GLI3: variants seen among roughly 807,000 people sequenced by gnomAD.
GLI3 encodes the protein transcription activator GLI3.
A neutral mutation model predicts 100.8 loss-of-function variants in GLI3; 20 were observed. The observed-to-expected ratio is 0.20, with a 90% confidence interval of 0.14 to 0.29. The LOEUF (loss-of-function observed/expected upper bound fraction) is 0.29, where lower values mean the gene tolerates loss of function less well. Ranked by LOEUF, GLI3 falls within the 10% of genes least tolerant of loss-of-function variation. The pLI, the probability that GLI3 is intolerant of heterozygous loss-of-function variation, is 1.00. For synonymous variants in GLI3, 938 were observed against 860.5 expected, an observed-to-expected ratio of 1.09 and a Z score of -1.58; for missense variants, 2,040 against 2,128.5, an observed-to-expected ratio of 0.96 and a Z score of 0.82.
chr7:42,026,836 T>C (rs1352182196), intron 7 of GLI3, among the ~76,000 whole-genome samples: 1 of 152,222 alleles, frequency 6.6e-6, no homozygotes, highest in Non-Finnish European at 1.5e-5. Context: ...CCAGATCTTA[T>C]TACAAGAGGA....
intron 3 of GLI3, among the ~76,000 whole-genome samples, chr7:42,134,992 T>C (rs1786391752): frequency 6.6e-6 from 1 of 152,172 alleles, no homozygotes; most frequent in African/African-American, 2.4e-5. Flanking sequence ...GAGAATTTCA[T>C]AGTGTATTTA....
intron 1 of GLI3, among the ~76,000 whole-genome samples, chr7:42,256,080 T>G (rs1789081875): frequency 1.3e-5 from 2 of 152,326 alleles, no homozygotes; most frequent in Middle Eastern, 3.4e-3. Context: ...TCTTTTTATG[T>G]GTTCATTAGC....
chr7:42,044,689 C>T (rs1011053213), intron 6 of GLI3, among the ~76,000 whole-genome samples: 11 of 152,178 alleles, frequency 7.2e-5, no homozygotes, highest in Non-Finnish European at 1.5e-4. Context: ...TAGTGGAATA[C>T]AATTTTTTTA....
intron 4 of GLI3, among the ~76,000 whole-genome samples, chr7:42,065,313 A>G (rs1784652421): frequency 6.6e-6 from 1 of 151,500 alleles, no homozygotes; most frequent in Non-Finnish European, 1.5e-5. Flanking sequence ...GCTACAATGC[A>G]CCCCACCTGC....
intron 12 of GLI3, among the ~76,000 whole-genome samples, chr7:41,973,489 G>A (rs1471313771): frequency 2.0e-5 from 3 of 152,070 alleles, no homozygotes; most frequent in African/African-American, 2.4e-5. Context: ...TTATATAAGC[G>A]GATTATTTTC....
intron 2 of GLI3, chr7:42,151,183 C>CT (rs377057777): frequency 1.3e-4 from 20 of 152,068 alleles, no homozygotes; most frequent in African/African-American, 4.8e-4. Context: ...CCAACCACAC[C>CT]TCCCCGCTCC....
chr7:42,212,517 T>C (rs1324289348), intron 2 of GLI3, among the ~76,000 whole-genome samples: 1 of 152,212 alleles, frequency 6.6e-6, no homozygotes, highest in African/African-American at 2.4e-5. Context: ...AGGTTGCTTA[T>C]AAAATGTAAC....
At chr7:42,170,162 G>T (rs970782755) in intron 2 of GLI3, among the ~76,000 whole-genome samples, 1 of 149,556 alleles carries the variant, frequency 6.7e-6, no homozygotes, top group African/African-American at 2.5e-5. Context: ...TGAGGCACGA[G>T]AATCAGTTGA....
intron 1 of GLI3, among the ~76,000 whole-genome samples, chr7:42,225,281 C>T (rs910724947): frequency 4.6e-5 from 7 of 152,280 alleles, no homozygotes; most frequent in South Asian, 4.1e-4. Context: ...AGGATGGCAC[C>T]CGGAACCTCA....
At chr7:42,231,116 T>A (rs1788688283) in intron 1 of GLI3, among the ~76,000 whole-genome samples, 1 of 152,232 alleles carries the variant, frequency 6.6e-6, no homozygotes, top group Non-Finnish European at 1.5e-5. Context: ...TGTGTGTCTT[T>A]ACAGTAAGGC....
intron 10 of GLI3, among the ~76,000 whole-genome samples, chr7:41,993,632 G>A (rs886949185): frequency 6.6e-6 from 1 of 152,194 alleles, no homozygotes; most frequent in Non-Finnish European, 1.5e-5. Flanking sequence ...CAAGTGCCTG[G>A]AACAATGCCC....
intron 10 of GLI3, among the ~76,000 whole-genome samples, chr7:42,000,625 A>C (rs1240669181): frequency 6.5e-5 from 6 of 92,652 alleles, no homozygotes; most frequent in Non-Finnish European, 1.2e-4. Context: ...TCTGTCCCCA[A>C]ATAAAAAAAG....
chr7:42,074,648 G>C lies in GLI3; in HGVS notation c.473+2104C>G, dbSNP rs575573468. Reference sequence around the variant, plus strand: ...GGGCGTGACATGCCCCAGCTTGCTGGGGCCCACTTCATAAGCATAGCGTCC... The same window carrying C: ...GGGCGTGACATGCCCCAGCTTGCTGCGGCCCACTTCATAAGCATAGCGTCC... On this transcript the variant is annotated intron_variant, in intron 4 of 14. Transcript: ENST00000395925. Among the ~76,000 whole-genome samples, 3 of 152,110 alleles carry C rather than the reference G, an allele frequency of 2.0e-5. No individual in the cohort carries two copies. The East Asian group carries it at 5.8e-4, about 30-fold the overall frequency.
chr7:42,243,651 G>C (rs1350913693), intron 1 of GLI3, among the ~76,000 whole-genome samples: 1 of 152,140 alleles, frequency 6.6e-6, no homozygotes, highest in Non-Finnish European at 1.5e-5. Flanking sequence ...CTACTATCCG[G>C]ATTAGTAGAT....
Position 41,978,592 on chromosome 7 carries a change from T to C in GLI3, c.1647+7A>G. 1 of 1,613,934 alleles carries C rather than the reference T, an allele frequency of 6.2e-7. No homozygotes were observed. On this transcript the variant is annotated splice_region_variant and intron_variant, in intron 11 of 14. Transcript: ENST00000395925. ...CAAGTGTGCCTGCCACCCACTTCTG[T>C]ACTCACAGTGCATTTGTGAGGCTTC... is the stretch of plus-strand genomic sequence containing the variant.
At chr7:42,001,527 C>T (rs1788296957) in intron 10 of GLI3, among the ~76,000 whole-genome samples, 1 of 152,082 alleles carries the variant, frequency 6.6e-6, no homozygotes, top group Non-Finnish European at 1.5e-5. Flanking sequence ...AACTAGTGTG[C>T]TGCAATCCAT....
At chr7:42,074,790 C>T (rs761880344) in intron 4 of GLI3, among the ~76,000 whole-genome samples, 5 of 152,328 alleles carry the variant, frequency 3.3e-5, no homozygotes, top group Non-Finnish European at 7.4e-5. Flanking sequence ...TCTTCCAGGA[C>T]TTGTCTTTTG....
At chr7:42,181,555 T>C (rs1356920099) in intron 2 of GLI3, among the ~76,000 whole-genome samples, 3 of 152,236 alleles carry the variant, frequency 2.0e-5, no homozygotes, top group Middle Eastern at 3.4e-3. Flanking sequence ...AAATGAACCA[T>C]GATCACAACT....
rs1039750818 is a variant in GLI3, at chr7:42,208,114, G to A, written c.124+15016C>T. 5.3e-5 allele frequency among the ~76,000 whole-genome samples: 8 copies of A among 152,126 alleles called. No homozygotes were observed. The South Asian group carries it at 8.3e-4, about 16-fold the overall frequency. ...GCAGAGGTTGCAGTGAGCCGAGATC[G>A]CACCACTGCACTCCAGCCTAGGCGA... On this transcript the variant is annotated intron_variant, in intron 2 of 14. Coordinates refer to ENST00000395925, the MANE Select transcript of GLI3 (RefSeq NM_000168.6).
Sources: allele counts gnomAD v4.1 joint callset (sites outside exome capture counted in the v4.1 genomes callset), GRCh38; gene constraint gnomAD v4.1.1; transcripts MANE v1.5; gene names NCBI Gene and HGNC (gene_info 2026-07-23, HGNC 2026-07-21).